ST8SIA4: variants seen among roughly 807,000 people sequenced by gnomAD.
ST8SIA4 encodes ST8 alpha-N-acetyl-neuraminide alpha-2,8-sialyltransferase 4, also known as CMP-N-acetylneuraminate-poly-alpha-2,8-sialyltransferase.
Under a neutral mutation model 33.9 loss-of-function variants are expected in ST8SIA4, and 15 were observed. That is an observed-to-expected ratio of 0.44 (90% confidence interval 0.30 to 0.68). The LOEUF (loss-of-function observed/expected upper bound fraction) is 0.68, where lower values mean the gene tolerates loss of function less well. Among genes scored for constraint, ST8SIA4 ranks in the 30% least tolerant of loss-of-function variants. The pLI, the probability that ST8SIA4 is intolerant of heterozygous loss-of-function variation, is 0.10. For synonymous variants in ST8SIA4, 171 were observed against 151.2 expected (o/e 1.13, Z -0.96); for missense variants, 321 against 428.0 (o/e 0.75, Z 2.21).
chr5:100,876,565 T>C (rs752973110), intron 3 of ST8SIA4, among the ~76,000 whole-genome samples: 8 of 152,130 alleles, frequency 5.3e-5, no homozygotes, highest in Non-Finnish European at 1.0e-4. Context: ...TGTTTTTCTA[T>C]CTTAGCCAAT....
intron 2 of ST8SIA4, among the ~76,000 whole-genome samples, chr5:100,893,856 G>C (rs1405083207): frequency 6.6e-6 from 1 of 151,776 alleles, no homozygotes; most frequent in Non-Finnish European, 1.5e-5. Context: ...CTCCTTTCTT[G>C]CTAAGCCATC....
At chr5:100,850,898 T>C (rs1211843102) in intron 4 of ST8SIA4, among the ~76,000 whole-genome samples, 2 of 151,114 alleles carry the variant, frequency 1.3e-5, no homozygotes, top group African/African-American at 4.9e-5. Flanking sequence ...TTTGAAAAGG[T>C]AATATAAGAC....
Position 100,810,022 on chromosome 5 carries a change from A to G in ST8SIA4, c.*1825T>C, listed in dbSNP as rs1164621160. On this transcript the variant is annotated 3_prime_UTR_variant, in exon 5 of 5. Transcript: ENST00000231461. ...ATTTCTCAGACTGTTTTCCCTAAGAAACAAAACATATATATTCCCCATGCC... is the reference window on the plus strand; with the variant it reads ...ATTTCTCAGACTGTTTTCCCTAAGAGACAAAACATATATATTCCCCATGCC... The G allele has an allele frequency of 2.0e-5, 3 of 152,144 alleles. No individual in the cohort carries two copies. Among genetic ancestry groups the G allele is most frequent in the Non-Finnish European group, 4.4e-5 (3 of 68,018 alleles). The allele number at this position is 152,144 out of a possible 1,614,324, so 9.4% of individuals were successfully genotyped here.
chr5:100,841,117 G>T (rs1175624000), intron 4 of ST8SIA4, among the ~76,000 whole-genome samples: 1 of 151,848 alleles, frequency 6.6e-6, no homozygotes, highest in Non-Finnish European at 1.5e-5. Context: ...TATTTTTGTT[G>T]TCATGTTGGT....
In ST8SIA4 at chr5:100,834,905, T is replaced by C. The variant is rs182407241; in HGVS notation, c.797+21198A>G. On this transcript the variant is annotated intron_variant, in intron 4 of 4. Coordinates refer to ENST00000231461, the MANE Select transcript of ST8SIA4 (RefSeq NM_005668.6). Reference sequence around the variant, plus strand: ...AGAACCATGAACCAATTAAATCCCTTTTATTTATAAATTACCCAGCCTCAG... The same window carrying C: ...AGAACCATGAACCAATTAAATCCCTCTTATTTATAAATTACCCAGCCTCAG... 2.0e-4 allele frequency among the ~76,000 whole-genome samples: 30 copies of C among 151,772 alleles called. No homozygotes were observed. In the East Asian group the frequency reaches 5.5e-3, roughly 28 times the overall value.
intron 3 of ST8SIA4, among the ~76,000 whole-genome samples, chr5:100,882,647 G>T (rs1752450911): frequency 6.6e-6 from 1 of 152,216 alleles, no homozygotes. Flanking sequence ...TGGAGACCTA[G>T]GAGAAAATGG....
chr5:100,823,034 G>C (rs1314077990), intron 4 of ST8SIA4, among the ~76,000 whole-genome samples: 1 of 152,134 alleles, frequency 6.6e-6, no homozygotes, highest in African/African-American at 2.4e-5. Flanking sequence ...GGGGGGCTGA[G>C]GGGGGAGAAT....
At chr5:100,832,965 T>C (rs1363201973) in intron 4 of ST8SIA4, among the ~76,000 whole-genome samples, 1 of 152,144 alleles carries the variant, frequency 6.6e-6, no homozygotes, top group Non-Finnish European at 1.5e-5. Context: ...AGGAAAGTAA[T>C]TCTTCCCTTT....
chr5:100,817,119 T>A (rs1350011050), intron 4 of ST8SIA4, among the ~76,000 whole-genome samples: 8 of 126,376 alleles, frequency 6.3e-5, no homozygotes, highest in African/African-American at 2.5e-4. Context: ...ATTTTTTTTT[T>A]TTTTTTTTTT....
intron 4 of ST8SIA4, among the ~76,000 whole-genome samples, chr5:100,814,047 G>T (rs1332347001): frequency 6.6e-6 from 1 of 151,916 alleles, no homozygotes; most frequent in African/African-American, 2.4e-5. Flanking sequence ...TTCTGGAGAG[G>T]TTTCCTCGAG....
intron 2 of ST8SIA4, among the ~76,000 whole-genome samples, chr5:100,895,011 G>A (rs1481158935): frequency 1.3e-5 from 2 of 151,888 alleles, no homozygotes; most frequent in Non-Finnish European, 2.9e-5. Flanking sequence ...TAATTAAGAA[G>A]GTATGACTCT....
chr5:100,827,192 A>C (rs1375592672), intron 4 of ST8SIA4, among the ~76,000 whole-genome samples: 1 of 152,184 alleles, frequency 6.6e-6, no homozygotes, highest in Non-Finnish European at 1.5e-5. Flanking sequence ...CATTTGTCAG[A>C]GTGTTGAAGA....
chr5:100,885,191 T>C (rs1752509998), intron 3 of ST8SIA4: 2 of 224,234 alleles, frequency 8.9e-6, no homozygotes, highest in South Asian at 1.6e-4. Flanking sequence ...TTTGTTTGTA[T>C]CTACTTGTTC....
intron 2 of ST8SIA4, among the ~76,000 whole-genome samples, chr5:100,895,413 C>T (rs1027039018): frequency 2.6e-5 from 4 of 151,888 alleles, no homozygotes; most frequent in African/African-American, 9.7e-5. Flanking sequence ...TATTTTATTC[C>T]ATTAGTATAA....
intron 3 of ST8SIA4, among the ~76,000 whole-genome samples, chr5:100,867,101 T>C (rs1462065013): frequency 6.6e-6 from 1 of 152,056 alleles, no homozygotes; most frequent in Non-Finnish European, 1.5e-5. Flanking sequence ...AAATTGCACA[T>C]AGAATCGATA....
intron 4 of ST8SIA4, among the ~76,000 whole-genome samples, chr5:100,848,731 C>T (rs1159931275): frequency 6.7e-6 from 1 of 150,360 alleles, no homozygotes; most frequent in East Asian, 1.9e-4. Flanking sequence ...AGGTTTTCCA[C>T]AATTGACATT....
intron 4 of ST8SIA4, among the ~76,000 whole-genome samples, chr5:100,821,014 C>T (rs1160673183): frequency 6.6e-6 from 1 of 152,016 alleles, no homozygotes; most frequent in Non-Finnish European, 1.5e-5. Context: ...GTAATCTAAA[C>T]TTGCAGAATG....
chr5:100,885,036 G>T (rs572488402), intron 3 of ST8SIA4, among the ~76,000 whole-genome samples: 126 of 128,944 alleles, frequency 9.8e-4, no homozygotes, highest in African/African-American at 3.1e-3. Flanking sequence ...CCTGACTTAT[G>T]ATTTAGTCAC....
intron 4 of ST8SIA4, among the ~76,000 whole-genome samples, chr5:100,839,318 C>T (rs1751426788): frequency 6.6e-6 from 1 of 151,784 alleles, no homozygotes; most frequent in African/African-American, 2.4e-5. Context: ...TATGGCACAC[C>T]ATCAATCAAT....
Sources: gnomAD v4.1 joint callset for allele counts (sites outside exome capture counted in the v4.1 genomes callset) on GRCh38, gnomAD v4.1.1 for gene constraint, MANE v1.5 for transcripts, NCBI Gene and HGNC (gene_info 2026-07-23, HGNC 2026-07-21) for gene names.